Variants in PIGK observed in about 807,000 individuals in gnomAD.
PIGK encodes GPI-anchor transamidase.
Under a neutral mutation model 50.6 loss-of-function variants are expected in PIGK, and 42 were observed. That is an observed-to-expected ratio of 0.83 (90% confidence interval 0.65 to 1.07). The LOEUF (loss-of-function observed/expected upper bound fraction) is 1.07, where lower values mean the gene tolerates loss of function less well. Among genes scored for constraint, PIGK ranks in the 50% least tolerant of loss-of-function variants. PIGK has a pLI of 0.00. For synonymous variants in PIGK, 151 were observed against 156.0 expected (o/e 0.97, Z 0.24); for missense variants, 448 against 488.7 (o/e 0.92, Z 0.78).
chr1:77,178,735 T>C (rs750479700), intron 3 of PIGK, among the ~76,000 whole-genome samples: 3 of 152,202 alleles, frequency 2.0e-5, no homozygotes, highest in Non-Finnish European at 2.9e-5. Context: ...TGGTGCGCTA[T>C]ATTTTCTCAA....
chr1:77,185,445 T>A (rs566207003), intron 3 of PIGK, among the ~76,000 whole-genome samples: 80 of 152,328 alleles, frequency 5.3e-4, no homozygotes, highest in African/African-American at 1.7e-3. Context: ...AGGGACCTTC[T>A]ACCTCAGTAA....
At chr1:77,128,360 A>G (rs1276326110) in intron 9 of PIGK, among the ~76,000 whole-genome samples, 2 of 152,236 alleles carry the variant, frequency 1.3e-5, no homozygotes, top group African/African-American at 4.8e-5. Flanking sequence ...AACTGTTGAT[A>G]CACATCTTAT....
intron 10 of PIGK, among the ~76,000 whole-genome samples, chr1:77,109,453 A>G (rs1279228384): frequency 1.3e-5 from 2 of 152,202 alleles, no homozygotes; most frequent in African/African-American, 4.8e-5. Flanking sequence ...GGCTGGTTCA[A>G]TGTTCGCAAA....
intron 9 of PIGK, among the ~76,000 whole-genome samples, chr1:77,140,102 T>C (rs1368298060): frequency 1.3e-5 from 2 of 152,142 alleles, no homozygotes; most frequent in African/African-American, 2.4e-5. Flanking sequence ...TAATCCCCAA[T>C]GCTGGAGGTG....
chr1:77,180,011 C>T (rs545359400), intron 3 of PIGK, among the ~76,000 whole-genome samples: 3 of 152,052 alleles, frequency 2.0e-5, no homozygotes, highest in Non-Finnish European at 2.9e-5. Context: ...AAGTCAATCA[C>T]TGCTGAAATC....
intron 5 of PIGK, among the ~76,000 whole-genome samples, chr1:77,164,891 ATAT>A (rs1655202364): frequency 6.6e-6 from 1 of 152,114 alleles, no homozygotes; most frequent in Admixed American, 6.6e-5. Flanking sequence ...GCCTCCATAA[ATAT>A]TATTATCATA....
chr1:77,174,686 A>G (rs1655442536), intron 3 of PIGK, among the ~76,000 whole-genome samples: 1 of 152,152 alleles, frequency 6.6e-6, no homozygotes, highest in Admixed American at 6.5e-5. Context: ...TAAGACACCC[A>G]TGGGAGCTTG....
chr1:77,154,163 T>C (rs924749536), intron 9 of PIGK: 1 of 465,608 alleles, frequency 2.1e-6, no homozygotes, highest in Non-Finnish European at 3.8e-6. Flanking sequence ...GGATAGCCAG[T>C]TATGGGAAAA....
At chr1:77,187,683 G>A (rs115740876) in intron 3 of PIGK, among the ~76,000 whole-genome samples, 1,939 of 152,224 alleles carry the variant, frequency 0.013, 40 homozygotes, top group African/African-American at 0.045. Context: ...GTATTATCAC[G>A]CCCTGTGATT....
intron 2 of PIGK, 30 bp downstream of exon 2, chr1:77,210,406 C>T (rs762385040): frequency 2.2e-5 from 32 of 1,425,950 alleles, no homozygotes; most frequent in South Asian, 1.0e-4. Context: ...CTAATGTGAA[C>T]AGCAAGGTAT....
chr1:77,127,393 C>T (rs1323021566), intron 9 of PIGK, among the ~76,000 whole-genome samples: 2 of 152,140 alleles, frequency 1.3e-5, no homozygotes, highest in East Asian at 3.9e-4. Context: ...TGAGATCAGA[C>T]AATTCACGTA....
intron 5 of PIGK, 37 bp downstream of exon 5, chr1:77,166,682 T>C (rs369985663): frequency 9.9e-5 from 98 of 987,570 alleles, no homozygotes; most frequent in Non-Finnish European, 1.5e-4. Context: ...AGAGTTTCAA[T>C]ATACTCTACT....
chr1:77,142,574 A>G (rs1654671604), intron 9 of PIGK, among the ~76,000 whole-genome samples: 1 of 152,180 alleles, frequency 6.6e-6, no homozygotes, highest in Non-Finnish European at 1.5e-5. Context: ...TAATTGACTC[A>G]CACTTCCACA....
chr1:77,151,505 G>A (rs1300325387), intron 9 of PIGK, among the ~76,000 whole-genome samples: 1 of 152,056 alleles, frequency 6.6e-6, no homozygotes, highest in Non-Finnish European at 1.5e-5. Context: ...AGAGCAATTA[G>A]GCAAGAGAAA....
chr1:77,147,353 CAGG>C (rs1430919975), intron 9 of PIGK, among the ~76,000 whole-genome samples: 1 of 149,400 alleles, frequency 6.7e-6, no homozygotes, highest in Non-Finnish European at 1.5e-5. Flanking sequence ...CAAACCATAT[CAGG>C]AGGAGAGAGG....
intron 3 of PIGK, among the ~76,000 whole-genome samples, chr1:77,203,635 A>T (rs1442308543): frequency 6.6e-6 from 1 of 152,184 alleles, no homozygotes; most frequent in Non-Finnish European, 1.5e-5. Context: ...ATATCATACT[A>T]ACATTTTCTA....
intron 10 of PIGK, among the ~76,000 whole-genome samples, chr1:77,098,893 T>G (rs564291298): frequency 6.6e-6 from 1 of 152,164 alleles, no homozygotes; most frequent in Non-Finnish European, 1.5e-5. Context: ...ATATATTAAG[T>G]ATTTCTTTCT....
intron 10 of PIGK, among the ~76,000 whole-genome samples, chr1:77,104,799 G>A (rs929678165): frequency 6.6e-6 from 1 of 152,190 alleles, no homozygotes; most frequent in Admixed American, 6.5e-5. Context: ...GCACTGGCAG[G>A]AGAAAGCTCC....
chr1:77,106,062 A>G (rs528934583), intron 10 of PIGK, among the ~76,000 whole-genome samples: 1 of 152,356 alleles, frequency 6.6e-6, no homozygotes, highest in African/African-American at 2.4e-5. Context: ...TGGTATCAAA[A>G]GAAAACCATC....
Sources: allele counts gnomAD v4.1 joint callset (sites outside exome capture counted in the v4.1 genomes callset), GRCh38; gene constraint gnomAD v4.1.1; transcripts MANE v1.5; gene names NCBI Gene and HGNC (gene_info 2026-07-23, HGNC 2026-07-21).